Variants in SLC16A9 observed in about 807,000 individuals in gnomAD.
SLC16A9 encodes monocarboxylate transporter 9.
Under a neutral mutation model 44.3 loss-of-function variants are expected in SLC16A9, and 26 were observed. That is an observed-to-expected ratio of 0.59 (90% CI 0.43 to 0.81). The LOEUF is 0.81. Among genes scored for constraint, SLC16A9 ranks in the 40% least tolerant of loss-of-function variants. SLC16A9 has a pLI of 0.00. For synonymous variants in SLC16A9, 230 were observed against 225.1 expected, an observed-to-expected ratio of 1.02 and a Z score of -0.19; for missense variants, 559 against 595.8, an observed-to-expected ratio of 0.94 and a Z score of 0.64.
chr10:59,697,997 A>C lies in SLC16A9; in HGVS notation c.-37+11482T>G, dbSNP rs1225463868. On this transcript the variant is annotated intron_variant, in intron 1 of 5. Transcript: ENST00000395348. ...AACAAAAAACAAAACAAAACAAAAA[A>C]CCCTCAATAAATGTTAGCTATTACT... Among the ~76,000 whole-genome samples the C allele has an allele frequency of 5.6e-4, 85 of 151,208 alleles. 1 individual carries two copies. Among genetic ancestry groups the C allele is most frequent in the Admixed American group, 5.6e-3 (85 of 15,188 alleles).
intron 1 of SLC16A9, among the ~76,000 whole-genome samples, chr10:59,692,623 G>A (rs147959287): frequency 6.6e-6 from 1 of 152,222 alleles, no homozygotes; most frequent in East Asian, 1.9e-4. Flanking sequence ...TTATGTTTTA[G>A]CTCTGACTCC....
At chr10:59,702,139 G>A (rs1840537187) in intron 1 of SLC16A9, among the ~76,000 whole-genome samples, 1 of 152,134 alleles carries the variant, frequency 6.6e-6, no homozygotes. Context: ...ATTAATCAAA[G>A]ATCTTTCATT....
At chr10:59,667,419 A>T (rs1175160959) in intron 3 of SLC16A9, among the ~76,000 whole-genome samples, 2 of 152,212 alleles carry the variant, frequency 1.3e-5, no homozygotes, top group African/African-American at 4.8e-5. Context: ...AGAGATTTGC[A>T]AACATGTAAG....
intron 5 of SLC16A9, among the ~76,000 whole-genome samples, chr10:59,653,470 A>G (rs888480468): frequency 8.5e-5 from 12 of 140,532 alleles, no homozygotes; most frequent in Non-Finnish European, 3.1e-5. Context: ...TTTCTCCCAA[A>G]TAAAGAGCGA....
At chr10:59,675,088 T>C (rs1839830315) in intron 2 of SLC16A9, among the ~76,000 whole-genome samples, 1 of 152,214 alleles carries the variant, frequency 6.6e-6, no homozygotes, top group Non-Finnish European at 1.5e-5. Flanking sequence ...TACTTTCACA[T>C]TGCCATCTGC....
rs1390099576 is a variant in SLC16A9 at position 59,653,814 on chromosome 10, G to A, written c.1212C>T (p.Ile404=). The change falls in exon 5 of 6, where the codon ATC becomes ATT. Residue 404 remains isoleucine, a synonymous_variant. Coordinates refer to ENST00000395348, the MANE Select transcript of SLC16A9 (RefSeq NM_194298.3). Reference sequence around the variant, plus strand: ...ACCAATTACCAGTAAGAAACCCTAGGATCCCAGAAAGCAACGCCAATGTGA... The same window carrying A: ...ACCAATTACCAGTAAGAAACCCTAGAATCCCAGAAAGCAACGCCAATGTGA... ...SYVTLALLSG[I]LGFLTGNWSI... is the part of the protein sequence containing the mutation. 2.5e-6 allele frequency: 4 copies of A among 1,613,976 alleles called. No homozygotes were observed. In the Admixed American group the frequency reaches 6.7e-5, roughly 27 times the overall value.
Position 59,654,306 on chromosome 10 carries a change from G to A in SLC16A9, c.720C>T (p.Ile240=), listed in dbSNP as rs1385154317. 3.1e-6 allele frequency: 5 copies of A among 1,614,038 alleles called. No individual in the cohort carries two copies. The highest frequency in any genetic ancestry group is 4.2e-6 in the Non-Finnish European group (5 of 1,180,026). Residue 240 remains isoleucine (I), a synonymous_variant, in exon 5 of 6, where the codon ATC becomes ATT. Coordinates refer to ENST00000395348, the MANE Select transcript of SLC16A9 (RefSeq NM_194298.3). ...KSYSSEEKCR[I]TLANGDWKQD... ...GTTTCCAGTCACCATTGGCTAACGT[G>A]ATCCTGCATTTTTCCTCACTACTGT...
In SLC16A9 at chr10:59,652,291, G is replaced by C. The variant is rs1839220885; in HGVS notation, c.*481C>G. On this transcript the variant is annotated 3_prime_UTR_variant, in exon 6 of 6. Transcript: ENST00000395348. ...AGTCGCCACTTTAATTTCCTGGCTG[G>C]CTTGAAGTCTTCTGTTTACTAGCAA... The C allele has an allele frequency of 6.6e-6, 1 of 152,200 alleles. No homozygotes were observed. The highest frequency in any genetic ancestry group is 2.4e-5 in the African/African-American group (1 of 41,414). The allele number at this position is 152,200 out of a possible 1,614,324, so 9.4% of individuals were successfully genotyped here.
intron 4 of SLC16A9, among the ~76,000 whole-genome samples, chr10:59,660,259 A>C (rs1161562277): frequency 2.6e-5 from 4 of 152,186 alleles, no homozygotes; most frequent in Non-Finnish European, 5.9e-5. Flanking sequence ...CGCTAGCCAG[A>C]CTAATAAGTA....
intron 1 of SLC16A9, among the ~76,000 whole-genome samples, chr10:59,699,573 G>C (rs764773440): frequency 8.5e-5 from 13 of 152,132 alleles, no homozygotes; most frequent in Non-Finnish European, 1.9e-4. Flanking sequence ...CATCTGAAAA[G>C]TGAGGGGAAT....
intron 1 of SLC16A9, among the ~76,000 whole-genome samples, chr10:59,690,203 A>G (rs996857606): frequency 2.0e-5 from 3 of 150,936 alleles, no homozygotes; most frequent in South Asian, 2.1e-4. Context: ...GAAAAAAAAG[A>G]AGAAAGTGGT....
intron 1 of SLC16A9, among the ~76,000 whole-genome samples, chr10:59,693,817 C>T (rs1264910666): frequency 6.7e-6 from 1 of 150,144 alleles, no homozygotes; most frequent in Non-Finnish European, 1.5e-5. Context: ...GACGGAGTTT[C>T]ACTGTTAGCC....
rs1336894155 is a variant in SLC16A9, at chr10:59,658,819, T to C, written c.437-4230A>G. On this transcript the variant is annotated intron_variant, in intron 4 of 5. Coordinates refer to ENST00000395348, the MANE Select transcript of SLC16A9 (RefSeq NM_194298.3). Reference sequence around the variant, plus strand: ...ACCGGGCAGTGCTTTTTAAAATATGTTGGGGAAATATACAGCTGGATTCAA... The same window carrying C: ...ACCGGGCAGTGCTTTTTAAAATATGCTGGGGAAATATACAGCTGGATTCAA... Among the ~76,000 whole-genome samples, 3 of 152,294 alleles carry C rather than the reference T, an allele frequency of 2.0e-5. 1 individual carries two copies. In the South Asian group the frequency reaches 6.2e-4, roughly 32 times the overall value.
intron 1 of SLC16A9, among the ~76,000 whole-genome samples, chr10:59,700,138 C>CA (rs1422358515): frequency 3.3e-5 from 5 of 151,950 alleles, no homozygotes; most frequent in African/African-American, 4.8e-5. Context: ...TAGTGACAGC[C>CA]AAAAAAAGAC....
At chr10:59,695,843 A>C (rs1210425371) in intron 1 of SLC16A9, among the ~76,000 whole-genome samples, 2 of 152,210 alleles carry the variant, frequency 1.3e-5, no homozygotes, top group African/African-American at 4.8e-5. Context: ...TGCTTTAGGT[A>C]CATATGGAGG....
chr10:59,656,595 T>C (rs1034608702), intron 4 of SLC16A9, among the ~76,000 whole-genome samples: 5 of 152,142 alleles, frequency 3.3e-5, no homozygotes, highest in Non-Finnish European at 5.9e-5. Context: ...AGGATTTTTT[T>C]CCCCCAGGGT....
chr10:59,696,239 G>A (rs1051182125), intron 1 of SLC16A9, among the ~76,000 whole-genome samples: 4 of 152,214 alleles, frequency 2.6e-5, no homozygotes, highest in Non-Finnish European at 4.4e-5. Context: ...GAGTGCCTGC[G>A]ATTGTAGGCG....
intron 2 of SLC16A9, among the ~76,000 whole-genome samples, chr10:59,674,604 A>G (rs1839820349): frequency 6.6e-6 from 1 of 152,226 alleles, no homozygotes; most frequent in Non-Finnish European, 1.5e-5. Context: ...GATACTTCAA[A>G]AATAGAAACA....
intron 1 of SLC16A9, among the ~76,000 whole-genome samples, chr10:59,687,946 T>C (rs1840168979): frequency 7.2e-6 from 1 of 139,724 alleles, no homozygotes; most frequent in Admixed American, 7.6e-5. Context: ...GGTGACACAG[T>C]GAGACCCTGT....
Sources: allele counts gnomAD v4.1 joint callset (sites outside exome capture counted in the v4.1 genomes callset), GRCh38; gene constraint gnomAD v4.1.1; transcripts MANE v1.5; gene names NCBI Gene and HGNC (gene_info 2026-07-23, HGNC 2026-07-21).